CRACD: variants seen among roughly 807,000 people sequenced by gnomAD.
The protein encoded by CRACD is capping protein-inhibiting regulator of actin dynamics.
In CRACD, 56 loss-of-function variants were observed where a neutral mutation model predicts 106.8. The observed-to-expected ratio is 0.52, with a 90% CI of 0.42 to 0.66. The LOEUF (loss-of-function observed/expected upper bound fraction) is 0.66. CRACD is among the 30% of genes least tolerant of loss of function. The pLI, the probability that CRACD is intolerant of heterozygous loss-of-function variation, is 0.00. For synonymous variants in CRACD, 754 were observed against 670.8 expected (o/e 1.12, Z -1.92); for missense variants, 1,730 against 1,623.2 (o/e 1.07, Z -1.13).
At chr4:56,118,199 CACTT>C (rs1734359607) in intron 1 of CRACD, among the ~76,000 whole-genome samples, 2 of 152,326 alleles carry the variant, frequency 1.3e-5, no homozygotes, top group Middle Eastern at 3.4e-3. Flanking sequence ...CTAGGCTAAT[CACTT>C]ACGAACCAGA....
chr4:56,080,034 T>C (rs1732970501), intron 1 of CRACD, among the ~76,000 whole-genome samples: 1 of 152,138 alleles, frequency 6.6e-6, no homozygotes, highest in Non-Finnish European at 1.5e-5. Flanking sequence ...AGAATACCTT[T>C]CAGAACAATG....
chr4:56,199,894 G>T (rs1737802112), intron 2 of CRACD, among the ~76,000 whole-genome samples: 1 of 151,864 alleles, frequency 6.6e-6, no homozygotes, highest in African/African-American at 2.4e-5. Context: ...AGGATCCCAA[G>T]CTGGGAATAG....
intron 2 of CRACD, among the ~76,000 whole-genome samples, chr4:56,247,561 G>A (rs1297963663): frequency 6.6e-6 from 1 of 152,206 alleles, no homozygotes; most frequent in African/African-American, 2.4e-5. Flanking sequence ...GAATCCTGTT[G>A]TGAGCTGGGC....
intron 2 of CRACD, among the ~76,000 whole-genome samples, chr4:56,215,290 G>A (rs1738619652): frequency 6.6e-6 from 1 of 152,012 alleles, no homozygotes; most frequent in African/African-American, 2.4e-5. Flanking sequence ...CAAAGCATTG[G>A]GATTACAAAC....
intron 2 of CRACD, among the ~76,000 whole-genome samples, chr4:56,246,146 C>T (rs966323145): frequency 1.2e-4 from 19 of 152,138 alleles, no homozygotes; most frequent in Admixed American, 2.6e-4. Context: ...GTGTGGTTCT[C>T]AGTGAATCTT....
At chr4:56,264,340 C>T (rs1408015024) in intron 2 of CRACD, among the ~76,000 whole-genome samples, 1 of 152,092 alleles carries the variant, frequency 6.6e-6, no homozygotes, top group Non-Finnish European at 1.5e-5. Flanking sequence ...TAAAGTCTAC[C>T]TTATAATCCT....
chr4:56,080,909 A>G (rs888476616), intron 1 of CRACD, among the ~76,000 whole-genome samples: 4 of 152,240 alleles, frequency 2.6e-5, no homozygotes, highest in African/African-American at 9.7e-5. Flanking sequence ...CCTAAAAACA[A>G]AATTCTAAGT....
intron 8 of CRACD, among the ~76,000 whole-genome samples, chr4:56,317,264 G>C (rs55959996): frequency 0.073 from 11,056 of 152,240 alleles, 535 homozygotes; most frequent in Admixed American, 0.1. Context: ...CAACGCCAGA[G>C]GCAGCCAGTG....
Position 56,089,509 on chromosome 4 carries a change from A to ATT in CRACD, c.-336+40230_-336+40231dup, listed in dbSNP as rs761380094. On this transcript the variant is annotated intron_variant, in intron 1 of 10. Coordinates refer to ENST00000682029, the MANE Select transcript of CRACD (RefSeq NM_001393381.1). ...GTAGTTTTGGTCAAGGTATTATAGGATTTTTTTTTTTTTTTTTTTTTGAGA... is the reference window on the plus strand; with the variant it reads ...GTAGTTTTGGTCAAGGTATTATAGGATTTTTTTTTTTTTTTTTTTTTTTGAGA... 7.8e-4 allele frequency among the ~76,000 whole-genome samples: 97 copies of ATT among 124,284 alleles called. 1 individual carries two copies. The highest frequency in any genetic ancestry group is 9.2e-4 in the African/African-American group (30 of 32,674). 81.5% of individuals were successfully genotyped at this position (124,284 alleles called of 152,430 possible). A position where few individuals can be genotyped will look rare whatever the true frequency, so the allele number is the denominator to read the frequency against.
At chr4:56,110,980 TTAGTCACTCAGGG>T (rs1261014482) in intron 1 of CRACD, among the ~76,000 whole-genome samples, 1 of 152,100 alleles carries the variant, frequency 6.6e-6, no homozygotes, top group East Asian at 1.9e-4. Context: ...ACTGAAACAA[TTAGTCACTCAGGG>T]TGCAGTTTGG....
chr4:56,182,956 G>A (rs1236474342), intron 2 of CRACD, among the ~76,000 whole-genome samples: 1 of 150,368 alleles, frequency 6.7e-6, no homozygotes, highest in Non-Finnish European at 1.5e-5. Context: ...ATTTTGGCTG[G>A]GTGCGGTGGC....
intron 1 of CRACD, among the ~76,000 whole-genome samples, chr4:56,144,513 G>T (rs747772106): frequency 6.6e-6 from 1 of 152,028 alleles, no homozygotes; most frequent in Non-Finnish European, 1.5e-5. Flanking sequence ...ACTATACTTG[G>T]GCCAGGGTTT....
intron 2 of CRACD, among the ~76,000 whole-genome samples, chr4:56,183,482 C>T (rs115439713): frequency 4.3e-4 from 66 of 152,330 alleles, no homozygotes; most frequent in African/African-American, 1.6e-3. Flanking sequence ...TACACCAAAA[C>T]AGAGCTGAGC....
intron 1 of CRACD, among the ~76,000 whole-genome samples, chr4:56,058,111 C>T (rs980353060): frequency 8.6e-5 from 13 of 151,716 alleles, no homozygotes; most frequent in South Asian, 6.2e-4. Flanking sequence ...CATGAGCCAC[C>T]GTGCCAGGGG....
chr4:56,071,816 C>G (rs1367703835), intron 1 of CRACD, among the ~76,000 whole-genome samples: 1 of 149,878 alleles, frequency 6.7e-6, no homozygotes, highest in South Asian at 2.3e-4. Context: ...TGGCCAATCT[C>G]TTTTATACTT....
chr4:56,248,413 G>A (rs1453722138), intron 2 of CRACD, among the ~76,000 whole-genome samples: 1 of 151,986 alleles, frequency 6.6e-6, no homozygotes, highest in African/African-American at 2.4e-5. Flanking sequence ...TATTTATTAA[G>A]TGCCTATTTT....
chr4:56,284,646 A>G (rs1395906347), intron 3 of CRACD, among the ~76,000 whole-genome samples: 2 of 152,044 alleles, frequency 1.3e-5, no homozygotes, highest in Non-Finnish European at 2.9e-5. Flanking sequence ...AATTGCTTGA[A>G]CCCAGAAGAT....
At chr4:56,153,923 C>G (rs932630894) in intron 1 of CRACD, among the ~76,000 whole-genome samples, 1 of 152,180 alleles carries the variant, frequency 6.6e-6, no homozygotes, top group Non-Finnish European at 1.5e-5. Flanking sequence ...TTATCTCAGC[C>G]CATACCTCGT....
intron 2 of CRACD, among the ~76,000 whole-genome samples, chr4:56,214,681 C>CTCTCTCTCTCTCTCTCTCTATATATA: frequency 1.2e-5 from 1 of 81,000 alleles, no homozygotes; most frequent in African/African-American, 4.3e-5. Context: ...CTCTCTCTCT[C>CTCTCTCTCTCTCTCTCTCTATATATA]TATATATATA....
Sources: gnomAD v4.1 joint callset for allele counts (sites outside exome capture counted in the v4.1 genomes callset) on GRCh38, gnomAD v4.1.1 for gene constraint, MANE v1.5 for transcripts, NCBI Gene and HGNC (gene_info 2026-07-23, HGNC 2026-07-21) for gene names.